The following ADAMTS10 variants were observed in gnomAD, a reference collection of about 807,000 sequenced individuals.
The protein encoded by ADAMTS10 is ADAM metallopeptidase with thrombospondin type 1 motif 10.
Under a neutral mutation model 135.9 loss-of-function variants are expected in ADAMTS10, and 48 were observed. That is an observed-to-expected ratio of 0.35 (90% CI 0.28 to 0.45). The LOEUF (loss-of-function observed/expected upper bound fraction) is 0.45, where lower values mean the gene tolerates loss of function less well. Among genes scored for constraint, ADAMTS10 ranks in the 20% least tolerant of loss-of-function variants. The probability of loss-of-function intolerance (pLI) is 1.00; values close to 1 mark genes in which losing one functional copy is unlikely to be tolerated. For synonymous variants in ADAMTS10, 621 were observed against 647.5 expected, an observed-to-expected ratio of 0.96 and a Z score of 0.62; for missense variants, 1,131 against 1,565.2, an observed-to-expected ratio of 0.72 and a Z score of 4.68.
At chr19:8,591,932 C>G (rs373688989) in intron 14 of ADAMTS10, 26 bp downstream of exon 14, 1 of 1,611,756 alleles carries the variant, frequency 6.2e-7, no homozygotes, top group East Asian at 2.2e-5. Context: ...GCGCTGCCCT[C>G]CCGGGTGGGG....
chr19:8,605,957 C>G lies in ADAMTS10; in HGVS notation c.-99-148G>C. On this transcript the variant is annotated intron_variant, in intron 2 of 25. Coordinates refer to ENST00000597188, the MANE Select transcript of ADAMTS10 (RefSeq NM_030957.4). The surrounding 1 kb of genome is among the most constrained non-coding windows in gnomAD (Gnocchi z 7.7). ...CAGTCACTCCCCTCTCCCCACCTCC[C>G]CTTCCAATCCTTCCTACACTCCTAC... The G allele has an allele frequency of 1.4e-6, 1 of 734,416 alleles. No homozygotes were observed. The highest frequency in any genetic ancestry group is 2.2e-6 in the Non-Finnish European group (1 of 463,608). 45.5% of individuals were successfully genotyped at this position (734,416 alleles called of 1,614,324 possible).
chr19:8,608,714 T>C (rs11666430), intron 1 of ADAMTS10, among the ~76,000 whole-genome samples: 92,261 of 151,744 alleles, frequency 0.61, 28,431 homozygotes, highest in Middle Eastern at 0.74. Context: ...GGGTCTGTCC[T>C]GGTCCCCCTA....
Position 8,597,380 on chromosome 19 carries a change from C to G in ADAMTS10, c.811-63G>C, listed in dbSNP as rs1237731326. On this transcript the variant is annotated intron_variant, in intron 6 of 25. Coordinates refer to ENST00000597188, the MANE Select transcript of ADAMTS10 (RefSeq NM_030957.4). ...GGAGCCCAGGGTAGAAAATGAAAAGCAAAAACAATGATAACAGCTTGCTTT... is the reference window on the plus strand; with the variant it reads ...GGAGCCCAGGGTAGAAAATGAAAAGGAAAAACAATGATAACAGCTTGCTTT... The G allele has an allele frequency of 6.2e-6, 9 of 1,457,690 alleles. No homozygotes were observed. The African/African-American group carries it at 7.0e-5, about 11-fold the overall frequency. 90.3% of individuals were successfully genotyped at this position (1,457,690 alleles called of 1,614,324 possible). A position where few individuals can be genotyped will look rare whatever the true frequency, so the allele number is the denominator to read the frequency against.
At position 8,596,107 on chromosome 19, in the gene ADAMTS10, A is replaced by G; in HGVS notation, c.1303T>C (p.Ser435Pro). The G allele has an allele frequency of 6.2e-7, 1 of 1,614,162 alleles. No homozygotes were observed. The highest frequency in any genetic ancestry group is 1.3e-5 in the African/African-American group (1 of 75,038). ...TMKTNPFVWS[S>P]CSRDYITSFL... The stretch of plus-strand genomic sequence containing the variant: ...CTGGTGATGTAGTCACGGCTGCAGG[A>G]TGACCACACGAATGGGTTGGTCTTC... Residue 435 changes from serine (S) to proline (P), a missense_variant, in exon 11 of 26, where the codon TCC becomes CCC. Ser to Pro is a moderately conservative substitution (Grantham distance 74). Around this residue, in one of 3 missense-constraint regions of ADAMTS10, gnomAD observed 745 missense variants for 1,056.3 expected, o/e 0.71. Transcript: ENST00000597188. The surrounding 1 kb of genome is among the most constrained non-coding windows in gnomAD (Gnocchi z 7.2).
At position 8,592,039 on chromosome 19, in the gene ADAMTS10, C is replaced by T; in HGVS notation, c.1652G>A (p.Gly551Glu). 1 of 1,613,732 alleles carries T rather than the reference C, an allele frequency of 6.2e-7. No individual in the cohort carries two copies. Among genetic ancestry groups the T allele is most frequent in the Non-Finnish European group, 8.5e-7 (1 of 1,179,828 alleles). Reference sequence around the variant, plus strand: ...GCAGTCGCCCCATGGAGTCCACGGCCCCCAGGCTCCGTCCACACCCTCTGG... The same window carrying T: ...GCAGTCGCCCCATGGAGTCCACGGCTCCCAGGCTCCGTCCACACCCTCTGG... ...SRPEGVDGAW[G>E]PWTPWGDCSR... Residue 551 changes from glycine (G) to glutamate (E), a missense_variant, in exon 14 of 26, where the codon GGG becomes GAG. By Grantham distance (98) the Gly-to-Glu change is moderately conservative. This residue lies in a region of ADAMTS10 where 745 missense variants were observed against 1,056.3 expected (regional missense o/e 0.71). Transcript: ENST00000597188.
chr19:8,600,881 G>A, intron 6 of ADAMTS10, 47 bp downstream of exon 6: 1 of 1,608,504 alleles, frequency 6.2e-7, no homozygotes, highest in Non-Finnish European at 8.5e-7. Context: ...CTGCAGGCTG[G>A]CTCCAAGTCC....
intron 1 of ADAMTS10, among the ~76,000 whole-genome samples, chr19:8,609,549 CG>C (rs1357048241): frequency 1.3e-5 from 2 of 152,100 alleles, no homozygotes; most frequent in Non-Finnish European, 2.9e-5. Flanking sequence ...GGCCTCCTCC[CG>C]GCTGCACATC....
intron 13 of ADAMTS10, 182 bp from the exon 14 acceptor site, chr19:8,592,285 G>A (rs1028698357): frequency 8.1e-7 from 1 of 1,230,748 alleles, no homozygotes; most frequent in Non-Finnish European, 1.1e-6. Context: ...GACAGACCAG[G>A]TACAAGCGAG....
chr19:8,605,757 GCCCCCACAGTGCCGCCT>G lies in ADAMTS10; in HGVS notation c.-64_-48del. 4 of 1,562,590 alleles carry G rather than the reference GCCCCCACAGTGCCGCCT, an allele frequency of 2.6e-6. No individual in the cohort carries two copies. Among genetic ancestry groups the G allele is most frequent in the Non-Finnish European group, 3.5e-6 (4 of 1,157,846 alleles). ...CTCTCCCCAGCCCCGGCTGCCGGCAGCCCCCACAGTGCCGCCTCCCCTGTTCACAGCCTTCGCAGCAT... is the reference window on the plus strand; with the variant it reads ...CTCTCCCCAGCCCCGGCTGCCGGCAGCCCCTGTTCACAGCCTTCGCAGCAT... On this transcript the variant is annotated 5_prime_UTR_variant, in exon 3 of 26. Transcript: ENST00000597188. The surrounding 1 kb of genome is among the most constrained non-coding windows in gnomAD (Gnocchi z 7.7).
chr19:8,593,410 T>C (rs1348385369), intron 12 of ADAMTS10: 2 of 160,138 alleles, frequency 1.2e-5, no homozygotes, highest in African/African-American at 4.8e-5. Flanking sequence ...TCATCTCTAG[T>C]TTTTTCCAGC....
At chr19:8,592,289 A>G in intron 13 of ADAMTS10, 186 bp from the exon 14 acceptor site, 1 of 1,200,086 alleles carries the variant, frequency 8.3e-7, no homozygotes, top group Non-Finnish European at 1.1e-6. Context: ...GACCAGGTAC[A>G]AGCGAGAGGC....
At chr19:8,591,665 C>T (rs1395736169) in intron 15 of ADAMTS10, 135 bp downstream of exon 15, 19 of 1,030,686 alleles carry the variant, frequency 1.8e-5, no homozygotes, top group Non-Finnish European at 2.6e-5. Context: ...TGGTCTCGAT[C>T]TCCTGACCTC....
intron 1 of ADAMTS10, 23 bp from the exon 2 acceptor site, chr19:8,608,271 G>C (rs2042743841): frequency 6.6e-6 from 1 of 152,538 alleles, no homozygotes; most frequent in South Asian, 2.1e-4. Context: ...GGGTCAAAGA[G>C]GAGGAGCCGG....
chr19:8,589,105 T>A, intron 18 of ADAMTS10, 137 bp downstream of exon 18: 1 of 1,454,162 alleles, frequency 6.9e-7, no homozygotes, highest in Middle Eastern at 2.5e-4. Context: ...CCCGCAGGAC[T>A]TTTGGGGACT....
chr19:8,599,636 C>A (rs954518168), intron 6 of ADAMTS10, among the ~76,000 whole-genome samples: 1 of 151,756 alleles, frequency 6.6e-6, no homozygotes, highest in Non-Finnish European at 1.5e-5. Context: ...CAGCCTACTG[C>A]GATTTATTTA....
chr19:8,592,495 G>T (rs1183422223), intron 13 of ADAMTS10, among the ~76,000 whole-genome samples: 6 of 151,982 alleles, frequency 3.9e-5, no homozygotes, highest in African/African-American at 1.5e-4. Flanking sequence ...CCAGAGCCGT[G>T]GGAATCATTA....
Position 8,605,494 on chromosome 19 carries a change from G to T in ADAMTS10, c.88+129C>A. On this transcript the variant is annotated intron_variant, in intron 3 of 25. Coordinates refer to ENST00000597188, the MANE Select transcript of ADAMTS10 (RefSeq NM_030957.4). The surrounding 1 kb of genome is among the most constrained non-coding windows in gnomAD (Gnocchi z 7.7). ...CCAGGGAGTTGGCTGCAAGGCTCCC[G>T]CCTATTGACCCCAGGGCCTTCCCCC... 6.8e-7 allele frequency: 1 copy of T among 1,472,064 alleles called. No homozygotes were observed. Among genetic ancestry groups the T allele is most frequent in the Non-Finnish European group, 9.2e-7 (1 of 1,084,794 alleles). 91.2% of individuals were successfully genotyped at this position (1,472,064 alleles called of 1,614,324 possible).
intron 15 of ADAMTS10, 44 bp from the exon 16 acceptor site, chr19:8,590,035 G>T (rs1555738550): frequency 2.1e-6 from 3 of 1,407,098 alleles, no homozygotes; most frequent in African/African-American, 2.8e-5. Flanking sequence ...AGGCTTGGGG[G>T]GATGGAGTCA....
chr19:8,591,739 C>A, intron 15 of ADAMTS10, 61 bp downstream of exon 15: 2 of 1,599,244 alleles, frequency 1.3e-6, no homozygotes, highest in African/African-American at 2.7e-5. Flanking sequence ...GGTGCCCGGC[C>A]TCTGATAGCT....
Sources: allele counts gnomAD v4.1 joint callset (sites outside exome capture counted in the v4.1 genomes callset), GRCh38; gene constraint gnomAD v4.1.1; regional missense constraint gnomAD v4.1.1; non-coding constraint Gnocchi (gnomAD v3.1); transcripts MANE v1.5; gene names NCBI Gene and HGNC (gene_info 2026-07-23, HGNC 2026-07-21).